NTRK3: variants seen among roughly 807,000 people sequenced by gnomAD.
NTRK3 encodes the protein neurotrophic receptor tyrosine kinase 3.
In NTRK3, 24 loss-of-function variants were observed where a neutral mutation model predicts 91.7. The observed-to-expected ratio is 0.26, with a 90% CI of 0.19 to 0.37. The LOEUF is 0.37. NTRK3 is among the 10% of genes least tolerant of loss of function. The pLI is 1.00. For missense variants in NTRK3, 880 were observed against 1,068.9 expected (o/e 0.82, Z 2.46); for synonymous variants, 483 against 404.0 (o/e 1.20, Z -2.34).
chr15:87,885,679 C>A lies in NTRK3; in HGVS notation c.2134-5251G>T. ...AATGAACTATTCATTAAAAAAAATA[C>A]GCTTAGATACCTACCTCACACCATA... On this transcript the variant is annotated intron_variant, in intron 17 of 18. Coordinates refer to ENST00000394480, the Ensembl canonical transcript of NTRK3. 7.4e-7 allele frequency: 1 copy of A among 1,356,058 alleles called. No homozygotes were observed. The highest frequency in any genetic ancestry group is 1.0e-6 in the Non-Finnish European group (1 of 1,004,594). 84.0% of individuals were successfully genotyped at this position (1,356,058 alleles called of 1,614,324 possible). A position where few individuals can be genotyped will look rare whatever the true frequency, so the allele number is the denominator to read the frequency against.
chr15:88,141,835 A>T (rs529601980), intron 6 of NTRK3, among the ~76,000 whole-genome samples: 23 of 152,334 alleles, frequency 1.5e-4, no homozygotes, highest in Middle Eastern at 3.4e-3. Flanking sequence ...AAGGCTTTGT[A>T]CAAATTTTCT....
At chr15:87,981,070 G>C (rs922231312) in intron 14 of NTRK3, among the ~76,000 whole-genome samples, 6 of 152,088 alleles carry the variant, frequency 3.9e-5, no homozygotes, top group African/African-American at 1.4e-4. Flanking sequence ...TTTAATTTAA[G>C]GGATTTTTTT....
chr15:88,108,198 A>G (rs12906259), intron 13 of NTRK3, among the ~76,000 whole-genome samples: 4,774 of 152,262 alleles, frequency 0.031, 111 homozygotes, highest in Middle Eastern at 0.082. Context: ...TTGTATCTGT[A>G]TCCCACAGTG....
chr15:88,173,204 A>T (rs1463533134), intron 5 of NTRK3, among the ~76,000 whole-genome samples: 1 of 152,184 alleles, frequency 6.6e-6, no homozygotes, highest in South Asian at 2.1e-4. Flanking sequence ...CACCTACAGA[A>T]ATAGCATGGC....
intron 17 of NTRK3, among the ~76,000 whole-genome samples, chr15:87,914,937 G>T (rs1486265203): frequency 6.6e-6 from 1 of 152,200 alleles, no homozygotes; most frequent in Non-Finnish European, 1.5e-5. Context: ...GGTGTACATG[G>T]TTATTTACTA....
intron 13 of NTRK3, among the ~76,000 whole-genome samples, chr15:88,108,313 C>A (rs2050933505): frequency 6.6e-6 from 1 of 152,216 alleles, no homozygotes; most frequent in Admixed American, 6.5e-5. Flanking sequence ...ACTGTCACTA[C>A]CTGCCCGGAG....
At chr15:88,215,887 C>T (rs191311340) in intron 3 of NTRK3, among the ~76,000 whole-genome samples, 1 of 152,302 alleles carries the variant, frequency 6.6e-6, no homozygotes, top group Non-Finnish European at 1.5e-5. Context: ...TGTTCTTTCC[C>T]TGGATCTAGG....
At chr15:87,978,934 C>T (rs1045677841) in intron 14 of NTRK3, 16 of 328,244 alleles carry the variant, frequency 4.9e-5, no homozygotes, top group African/African-American at 2.1e-4. Flanking sequence ...GGAGACCCCA[C>T]GCTTCCAAGC....
chr15:87,996,222 C>T (rs570926910), intron 14 of NTRK3, among the ~76,000 whole-genome samples: 1 of 151,708 alleles, frequency 6.6e-6, no homozygotes, highest in Non-Finnish European at 1.5e-5. Flanking sequence ...CCAGCCTGGG[C>T]GACAGAGAGA....
chr15:88,113,619 C>CT (rs199659076), intron 13 of NTRK3, among the ~76,000 whole-genome samples: 13 of 151,562 alleles, frequency 8.6e-5, no homozygotes, highest in South Asian at 6.2e-4. Flanking sequence ...GCTGGTCTAA[C>CT]TTTTTTTTTA....
chr15:88,115,997 G>C (rs1370737303), intron 13 of NTRK3, among the ~76,000 whole-genome samples: 1 of 152,158 alleles, frequency 6.6e-6, no homozygotes, highest in African/African-American at 2.4e-5. Flanking sequence ...AGTTTCTAAG[G>C]AAAGAGAGGA....
intron 14 of NTRK3, among the ~76,000 whole-genome samples, chr15:87,998,120 C>G (rs935346415): frequency 5.3e-5 from 8 of 152,210 alleles, no homozygotes; most frequent in African/African-American, 1.9e-4. Flanking sequence ...TCTCTCCTCA[C>G]TGGATGTGAA....
chr15:88,088,088 T>TGTAA (rs2150727234), intron 13 of NTRK3, among the ~76,000 whole-genome samples: 1 of 152,272 alleles, frequency 6.6e-6, no homozygotes, highest in African/African-American at 2.4e-5. Flanking sequence ...GCTGATTGTG[T>TGTAA]GTAAATCAAG....
intron 13 of NTRK3, among the ~76,000 whole-genome samples, chr15:88,093,074 GTTT>G (rs377164481): frequency 9.2e-6 from 1 of 108,486 alleles, no homozygotes. Flanking sequence ...TGTTTTTTTT[GTTT>G]TTTTTTTTTT....
chr15:87,901,764 A>C (rs28478108), intron 17 of NTRK3, among the ~76,000 whole-genome samples: 1 of 124,422 alleles, frequency 8.0e-6, no homozygotes, highest in Non-Finnish European at 1.7e-5. Flanking sequence ...AAAGTTGGGG[A>C]GGGGGGGAGA....
At chr15:88,221,372 GA>G (rs773658464) in intron 3 of NTRK3, among the ~76,000 whole-genome samples, 5 of 152,030 alleles carry the variant, frequency 3.3e-5, no homozygotes, top group South Asian at 2.1e-4. Context: ...AAATTCATAA[GA>G]AAAAAACATC....
At chr15:87,901,389 C>A (rs555310948) in intron 17 of NTRK3, among the ~76,000 whole-genome samples, 10 of 152,318 alleles carry the variant, frequency 6.6e-5, no homozygotes, top group Non-Finnish European at 1.3e-4. Flanking sequence ...GCTAACGAAA[C>A]TGGGATGAAG....
intron 13 of NTRK3, among the ~76,000 whole-genome samples, chr15:88,040,662 C>A (rs2079521244): frequency 6.6e-6 from 1 of 152,192 alleles, no homozygotes; most frequent in Non-Finnish European, 1.5e-5. Context: ...CCAAGAAAAT[C>A]CAGCCACTGG....
intron 17 of NTRK3, among the ~76,000 whole-genome samples, chr15:87,924,970 C>G (rs148293765): frequency 9.6e-4 from 146 of 152,268 alleles, no homozygotes; most frequent in African/African-American, 3.4e-3. Context: ...CTGAAAACAT[C>G]TGTATTCTGA....
Sources: gnomAD v4.1 joint callset for allele counts (sites outside exome capture counted in the v4.1 genomes callset) on GRCh38, gnomAD v4.1.1 for gene constraint, MANE v1.5 for transcripts, NCBI Gene and HGNC (gene_info 2026-07-23, HGNC 2026-07-21) for gene names.